ASTN2: variants seen among roughly 807,000 people sequenced by gnomAD.
ASTN2 encodes the protein astrotactin-2.
A neutral mutation model predicts 139.8 loss-of-function variants in ASTN2; 54 were observed. The observed-to-expected ratio is 0.39, with a 90% CI of 0.31 to 0.48. The LOEUF (loss-of-function observed/expected upper bound fraction) is 0.48. Among genes scored for constraint, ASTN2 ranks in the 20% least tolerant of loss-of-function variants. The pLI is 0.95. For synonymous variants in ASTN2, 756 were observed against 719.5 expected (o/e 1.05, Z -0.81); for missense variants, 1,565 against 1,725.1 (o/e 0.91, Z 1.64).
intron 3 of ASTN2, among the ~76,000 whole-genome samples, chr9:117,194,537 A>G (rs1831438738): frequency 6.6e-6 from 1 of 152,224 alleles, no homozygotes; most frequent in African/African-American, 2.4e-5. Context: ...ACACACATTC[A>G]CACGTGAATA....
intron 17 of ASTN2, among the ~76,000 whole-genome samples, chr9:116,632,240 A>AG (rs1856828714): frequency 7.6e-6 from 1 of 131,672 alleles, no homozygotes; most frequent in Non-Finnish European, 1.6e-5. Context: ...AAAGAAAGAA[A>AG]GAAAGAAAGA....
Position 117,327,275 on chromosome 9 carries a change from G to A in ASTN2, c.443-35762C>T, listed in dbSNP as rs370003953. Among the ~76,000 whole-genome samples the A allele has an allele frequency of 1.4e-4, 22 of 152,184 alleles. No individual in the cohort carries two copies. The East Asian group carries it at 2.3e-3, about 16-fold the overall frequency. On this transcript the variant is annotated intron_variant, in intron 1 of 22. Transcript: ENST00000313400. ...TACTGGTCTGTGGCCCAGGGATTGG[G>A]GACTCCCAACACCGACAATTGAGAC...
intron 20 of ASTN2, among the ~76,000 whole-genome samples, chr9:116,479,077 C>T (rs1588097181): frequency 2.0e-5 from 3 of 151,000 alleles, no homozygotes; most frequent in Admixed American, 6.6e-5. Context: ...CCTTTCAAAC[C>T]CTCTTCTACA....
At chr9:116,824,306 C>A (rs1341510725) in intron 11 of ASTN2, among the ~76,000 whole-genome samples, 1 of 152,120 alleles carries the variant, frequency 6.6e-6, no homozygotes, top group Non-Finnish European at 1.5e-5. Context: ...TCTATGTGAC[C>A]AATAGTATGT....
chr9:116,926,602 T>C (rs751835974), intron 10 of ASTN2, among the ~76,000 whole-genome samples: 18 of 152,222 alleles, frequency 1.2e-4, no homozygotes, highest in Non-Finnish European at 2.4e-4. Flanking sequence ...GCCATGCTGA[T>C]AATAATTTAA....
At chr9:117,259,897 T>G (rs1180168642) in intron 2 of ASTN2, among the ~76,000 whole-genome samples, 4 of 152,204 alleles carry the variant, frequency 2.6e-5, no homozygotes, top group Admixed American at 1.3e-4. Flanking sequence ...GGTTCACAGA[T>G]GCAAATTATT....
intron 10 of ASTN2, among the ~76,000 whole-genome samples, chr9:116,903,266 G>T (rs567490454): frequency 3.9e-5 from 6 of 152,200 alleles, no homozygotes; most frequent in African/African-American, 1.4e-4. Context: ...CGAATCTACT[G>T]TATAATTTAC....
At chr9:116,869,217 T>C (rs1217881335) in intron 10 of ASTN2, among the ~76,000 whole-genome samples, 3 of 152,006 alleles carry the variant, frequency 2.0e-5, no homozygotes, top group African/African-American at 7.2e-5. Flanking sequence ...AATGACAGCA[T>C]TAGTTGGGTT....
intron 12 of ASTN2, among the ~76,000 whole-genome samples, chr9:116,809,493 GAT>G (rs964312008): frequency 1.3e-5 from 2 of 151,930 alleles, no homozygotes; most frequent in African/African-American, 2.4e-5. Flanking sequence ...GCCTGTTTTG[GAT>G]ATAGTAATAA....
Position 116,597,302 on chromosome 9 carries a change from T to TTTGTTTTTTTG in ASTN2, c.3355+21021_3355+21022insCAAAAAAACAA, listed in dbSNP as rs1169673304. Reference sequence around the variant, plus strand: ...AATATTCCATGACTTTTGATCTATTTTTTTTTTTTTTTTTTTTTTTTGGAG... The same window carrying TTTGTTTTTTTG: ...AATATTCCATGACTTTTGATCTATTTTTGTTTTTTTGTTTTTTTTTTTTTTTTTTTTTGGAG... On this transcript the variant is annotated intron_variant, in intron 19 of 22. Transcript: ENST00000313400. Among the ~76,000 whole-genome samples, 4 of 122,878 alleles carry TTTGTTTTTTTG rather than the reference T, an allele frequency of 3.3e-5. 1 individual carries two copies. Among genetic ancestry groups the TTTGTTTTTTTG allele is most frequent in the African/African-American group, 1.5e-4 (4 of 25,984 alleles). The allele number at this position is 122,878 out of a possible 152,430, so 80.6% of individuals were successfully genotyped here.
intron 11 of ASTN2, among the ~76,000 whole-genome samples, chr9:116,851,139 G>A (rs1440137217): frequency 6.6e-6 from 1 of 152,290 alleles, no homozygotes; most frequent in Non-Finnish European, 1.5e-5. Context: ...GATCTAGTTT[G>A]ATAAGATGTG....
At chr9:116,580,106 C>G (rs1305894481) in intron 19 of ASTN2, among the ~76,000 whole-genome samples, 2 of 152,196 alleles carry the variant, frequency 1.3e-5, no homozygotes, top group African/African-American at 4.8e-5. Flanking sequence ...AGGCGTGAGC[C>G]CCCGCACCCG....
chr9:116,975,783 T>C (rs915508187), intron 9 of ASTN2, among the ~76,000 whole-genome samples: 4 of 152,114 alleles, frequency 2.6e-5, no homozygotes, highest in Non-Finnish European at 5.9e-5. Context: ...TTTATCTACA[T>C]GTTCATTGAA....
chr9:116,762,650 T>C (rs981253405), intron 13 of ASTN2, among the ~76,000 whole-genome samples: 3 of 152,272 alleles, frequency 2.0e-5, no homozygotes, highest in Non-Finnish European at 4.4e-5. Flanking sequence ...GTGAAAATTC[T>C]ATAATCTTCA....
At chr9:117,288,531 C>G (rs1834504599) in intron 2 of ASTN2, among the ~76,000 whole-genome samples, 1 of 152,288 alleles carries the variant, frequency 6.6e-6, no homozygotes, top group Non-Finnish European at 1.5e-5. Flanking sequence ...TCATGAATTG[C>G]CAGACACAAG....
At position 116,699,088 on chromosome 9, in the gene ASTN2, A is replaced by ATAAC; in HGVS notation, c.2806+26679_2806+26682dup. 6.2e-7 allele frequency: 1 copy of ATAAC among 1,614,082 alleles called. No individual in the cohort carries two copies. Among genetic ancestry groups the ATAAC allele is most frequent in the African/African-American group, 1.3e-5 (1 of 75,066 alleles). On this transcript the variant is annotated intron_variant, in intron 16 of 22. Coordinates refer to ENST00000313400, the MANE Select transcript of ASTN2 (RefSeq NM_001365068.1). The surrounding 1 kb of genome is among the most constrained non-coding windows in gnomAD (Gnocchi z 4.2). ...CTGATTGGTGTGACTGACAGCTATGATAACTCCCTCAAGGTATATACCTTG... is the reference window on the plus strand; with the variant it reads ...CTGATTGGTGTGACTGACAGCTATGATAACTAACTCCCTCAAGGTATATACCTTG...
chr9:116,544,033 A>G lies in ASTN2; in HGVS notation c.3356-56533T>C, dbSNP rs556239730. Among the ~76,000 whole-genome samples, 44 of 152,310 alleles carry G rather than the reference A, an allele frequency of 2.9e-4. No individual in the cohort carries two copies. The South Asian group carries it at 7.0e-3, about 24-fold the overall frequency. On this transcript the variant is annotated intron_variant, in intron 19 of 22. Coordinates refer to ENST00000313400, the MANE Select transcript of ASTN2 (RefSeq NM_001365068.1). ...CTAGTTCTAACACAGAGAACAGAAA[A>G]TGAGTTAGCAATGTCCAAATTCCCT...
At chr9:117,260,831 T>G (rs1344401803) in intron 2 of ASTN2, among the ~76,000 whole-genome samples, 1 of 152,158 alleles carries the variant, frequency 6.6e-6, no homozygotes, top group Non-Finnish European at 1.5e-5. Flanking sequence ...CTCCCAGGCA[T>G]GAAGCTAGGC....
At chr9:117,207,356 C>T (rs980894371) in intron 3 of ASTN2, among the ~76,000 whole-genome samples, 2 of 152,176 alleles carry the variant, frequency 1.3e-5, no homozygotes, top group Non-Finnish European at 1.5e-5. Flanking sequence ...TGTACCCACC[C>T]ATGGTAGCCA....
Sources: allele counts gnomAD v4.1 joint callset (sites outside exome capture counted in the v4.1 genomes callset), GRCh38; gene constraint gnomAD v4.1.1; non-coding constraint Gnocchi (gnomAD v3.1); transcripts MANE v1.5; gene names NCBI Gene and HGNC (gene_info 2026-07-23, HGNC 2026-07-21).